Variants in HBS1L observed in about 807,000 individuals in gnomAD.
HBS1L encodes the protein HBS1-like protein.
A neutral mutation model predicts 88.9 loss-of-function variants in HBS1L; 55 were observed. The observed-to-expected ratio is 0.62, with a 90% CI of 0.50 to 0.77. The LOEUF is 0.77. Among genes scored for constraint, HBS1L ranks in the 30% least tolerant of loss-of-function variants. The pLI is 0.00. For synonymous variants in HBS1L, 267 were observed against 288.5 expected, an observed-to-expected ratio of 0.93 and a Z score of 0.76; for missense variants, 741 against 829.3, an observed-to-expected ratio of 0.89 and a Z score of 1.31.
chr6:135,046,428 A>G (rs1776914175), intron 2 of HBS1L, among the ~76,000 whole-genome samples: 1 of 152,232 alleles, frequency 6.6e-6, no homozygotes, highest in Admixed American at 6.5e-5. Context: ...ACTTCTAATC[A>G]TATTAGCTGA....
Position 134,969,269 on chromosome 6 carries a change from TTTTG to T in HBS1L, c.1863_1866del (p.Asn621LysfsTer14), listed in dbSNP as rs1156752795. ...TTTTTCTTTGTGACTTCACCCGTGC[TTTTG>T]TTTAAGACACTAATCAATCGTTTAA... On this transcript the variant is annotated frameshift_variant, in exon 16 of 18. Coordinates refer to ENST00000367837, the MANE Select transcript of HBS1L (RefSeq NM_006620.4). LOFTEE classifies it high-confidence loss of function. 2 of 1,613,388 alleles carry T rather than the reference TTTTG, an allele frequency of 1.2e-6. No individual in the cohort carries two copies. Among genetic ancestry groups the T allele is most frequent in the African/African-American group, 2.7e-5 (2 of 74,922 alleles).
intron 16 of HBS1L, among the ~76,000 whole-genome samples, chr6:134,968,399 C>T (rs1344368564): frequency 6.6e-6 from 1 of 152,020 alleles, no homozygotes; most frequent in Admixed American, 6.6e-5. Context: ...CAGGTGTGAG[C>T]CACCACACCC....
At chr6:135,047,078 AACTCTC>A (rs1776935799) in intron 2 of HBS1L, among the ~76,000 whole-genome samples, 1 of 152,212 alleles carries the variant, frequency 6.6e-6, no homozygotes, top group Non-Finnish European at 1.5e-5. Flanking sequence ...TTTGAAAAGT[AACTCTC>A]AGAGTCAGAC....
chr6:135,035,404 G>T (rs1182402043), intron 4 of HBS1L, among the ~76,000 whole-genome samples: 1 of 150,294 alleles, frequency 6.7e-6, no homozygotes, highest in Non-Finnish European at 1.5e-5. Flanking sequence ...GAGCGTCACT[G>T]CACTCCAGCC....
intron 3 of HBS1L, 94 bp downstream of exon 3, chr6:135,041,905 CAT>C (rs1776749305): frequency 9.8e-7 from 1 of 1,023,002 alleles, no homozygotes; most frequent in Non-Finnish European, 1.5e-6. Context: ...CATTACTGTT[CAT>C]AGTCACTGTT....
intron 8 of HBS1L, among the ~76,000 whole-genome samples, chr6:134,989,915 A>C (rs1355756206): frequency 6.6e-6 from 1 of 152,138 alleles, no homozygotes; most frequent in Non-Finnish European, 1.5e-5. Flanking sequence ...TGTTCTCCAC[A>C]CCTCAGGCAA....
At chr6:135,013,164 G>A (rs73774532) in intron 4 of HBS1L, among the ~76,000 whole-genome samples, 5,479 of 152,128 alleles carry the variant, frequency 0.036, 341 homozygotes, top group African/African-American at 0.13. Flanking sequence ...TAGTTTCCTC[G>A]TCCATAAAAT....
rs1423671790 is a variant in HBS1L, at chr6:134,978,755, G to C, written c.1721C>G (p.Pro574Arg). The C allele has an allele frequency of 4.4e-6, 7 of 1,608,084 alleles. No individual in the cohort carries two copies. The highest frequency in any genetic ancestry group is 3.4e-5 in the Admixed American group (2 of 59,132). The change falls in exon 15 of 18, where the codon CCC becomes CGC. Residue 574 changes from proline to arginine, a missense_variant. Coordinates refer to ENST00000367837, the MANE Select transcript of HBS1L (RefSeq NM_006620.4). Reference sequence around the variant, plus strand: ...TCTGAAACGAGTGCAAGCTTTAATGGGTACTTTGGGGCCACAAAATATGCA... The same window carrying C: ...TCTGAAACGAGTGCAAGCTTTAATGCGTACTTTGGGGCCACAAAATATGCA... ...VGCIFCGPKV[P>R]IKACTRFRAR...
chr6:135,048,355 T>TGGAATCCCCTCTTTAAAAGGC (rs1424394540), intron 2 of HBS1L, among the ~76,000 whole-genome samples: 1 of 152,206 alleles, frequency 6.6e-6, no homozygotes, highest in Admixed American at 6.5e-5. Flanking sequence ...GCCAGTAGGT[T>TGGAATCCCCTCTTTAAAAGGC]GGAATCCCCT....
intron 15 of HBS1L, among the ~76,000 whole-genome samples, chr6:134,969,685 G>C (rs1167318002): frequency 6.6e-6 from 1 of 152,162 alleles, no homozygotes; most frequent in Non-Finnish European, 1.5e-5. Flanking sequence ...AACAAATGTT[G>C]TTGTCATTTT....
At chr6:135,038,128 T>C in intron 4 of HBS1L, 1 of 841,072 alleles carries the variant, frequency 1.2e-6, no homozygotes, top group Non-Finnish European at 1.8e-6. Context: ...ATTTAATTAC[T>C]AAATGCTTCT....
intron 16 of HBS1L, 23 bp from the exon 17 acceptor site, chr6:134,966,496 A>C: frequency 6.5e-7 from 1 of 1,526,816 alleles, no homozygotes; most frequent in South Asian, 1.2e-5. Flanking sequence ...AAAAAGAACA[A>C]ATGAATATAT....
At chr6:135,008,429 G>C (rs1775673753) in intron 4 of HBS1L, among the ~76,000 whole-genome samples, 1 of 152,150 alleles carries the variant, frequency 6.6e-6, no homozygotes, top group Non-Finnish European at 1.5e-5. Flanking sequence ...TCATCCTCCA[G>C]CTACCTCTGC....
intron 15 of HBS1L, among the ~76,000 whole-genome samples, chr6:134,972,940 T>C (rs1289351768): frequency 1.3e-5 from 2 of 152,210 alleles, no homozygotes; most frequent in African/African-American, 4.8e-5. Flanking sequence ...AAACTTGTTA[T>C]TTAATGTGTT....
intron 4 of HBS1L, among the ~76,000 whole-genome samples, chr6:135,009,525 T>C (rs367668435): frequency 1.6e-4 from 24 of 152,130 alleles, no homozygotes; most frequent in African/African-American, 5.8e-4. Context: ...TTAAAGACTA[T>C]ATAAAGTTTA....
At chr6:134,991,586 C>T (rs9399133) in intron 8 of HBS1L, among the ~76,000 whole-genome samples, 152,361 of 152,364 alleles carry the variant, frequency 1, 76,179 homozygotes, top group Middle Eastern at 1. Flanking sequence ...ATCTGGTCCA[C>T]ATTAGGTACT....
chr6:134,979,235 G>A lies in HBS1L; in HGVS notation c.1631C>T (p.Ala544Val), dbSNP rs146882329. The stretch of plus-strand genomic sequence containing the variant: ...AAGACTAACATGATCGCCTGCTGCC[G>A]CCCAGTCGACAGGTTCATCATGCAG... ...ITLHDEPVDW[A>V]AAGDHVSLTL... Residue 544 changes from alanine (A) to valine (V), a missense_variant, in exon 14 of 18, where the codon GCG becomes GTG. Around this residue, in one of 3 missense-constraint regions of HBS1L, gnomAD observed 181 missense variants for 212.7 expected, o/e 0.85. Coordinates refer to ENST00000367837, the MANE Select transcript of HBS1L (RefSeq NM_006620.4). 1.1e-5 allele frequency: 18 copies of A among 1,611,808 alleles called. No homozygotes were observed. Among genetic ancestry groups the A allele is most frequent in the Middle Eastern group, 1.6e-4 (1 of 6,072 alleles).
chr6:135,001,300 T>C (rs936731284), intron 5 of HBS1L, among the ~76,000 whole-genome samples: 1 of 152,212 alleles, frequency 6.6e-6, no homozygotes, highest in Admixed American at 6.5e-5. Flanking sequence ...ATTATGCACA[T>C]TATTTATTGA....
At chr6:135,036,422 C>T (rs1443404232) in intron 4 of HBS1L, 10 of 1,336,710 alleles carry the variant, frequency 7.5e-6, no homozygotes, top group East Asian at 2.8e-5. Context: ...TGCAAAAATA[C>T]GTATCAACTA....
Sources: gnomAD v4.1 joint callset for allele counts (sites outside exome capture counted in the v4.1 genomes callset) on GRCh38, gnomAD v4.1.1 for gene constraint, gnomAD v4.1.1 regional missense constraint, MANE v1.5 for transcripts, NCBI Gene and HGNC (gene_info 2026-07-23, HGNC 2026-07-21) for gene names.